The following HACD2 variants were observed in gnomAD, a reference collection of about 807,000 sequenced individuals.
HACD2 encodes very-long-chain (3R)-3-hydroxyacyl-CoA dehydratase 2.
Under a neutral mutation model 31.0 loss-of-function variants are expected in HACD2, and 15 were observed. That is an observed-to-expected ratio of 0.48 (90% CI 0.32 to 0.75). The LOEUF is 0.75. Among genes scored for constraint, HACD2 ranks in the 30% least tolerant of loss-of-function variants. The probability of loss-of-function intolerance (pLI) is 0.03; values close to 1 mark genes in which losing one functional copy is unlikely to be tolerated. For synonymous variants in HACD2, 115 were observed against 122.2 expected (o/e 0.94, Z 0.39); for missense variants, 283 against 313.0 (o/e 0.90, Z 0.72).
chr3:123,553,247 C>A (rs1462932020), intron 3 of HACD2, among the ~76,000 whole-genome samples: 1 of 152,054 alleles, frequency 6.6e-6, no homozygotes, highest in South Asian at 2.1e-4. Flanking sequence ...ATAAAAAGAC[C>A]ACATATCTCA....
At chr3:123,573,723 G>A (rs1007306488) in intron 2 of HACD2, among the ~76,000 whole-genome samples, 12 of 152,160 alleles carry the variant, frequency 7.9e-5, no homozygotes, top group African/African-American at 2.9e-4. Flanking sequence ...GCAAAAGGGT[G>A]TTGGTTATTC....
chr3:123,581,483 C>T (rs542793647), intron 2 of HACD2, among the ~76,000 whole-genome samples: 127 of 152,184 alleles, frequency 8.3e-4, no homozygotes, highest in African/African-American at 2.9e-3. Context: ...AAATAAACAC[C>T]CTCCCTGTTT....
At chr3:123,549,125 A>G (rs930110671) in intron 3 of HACD2, among the ~76,000 whole-genome samples, 1 of 151,838 alleles carries the variant, frequency 6.6e-6, no homozygotes, top group African/African-American at 2.4e-5. Context: ...TTACTTTATT[A>G]AACAAGGAGT....
intron 4 of HACD2, among the ~76,000 whole-genome samples, chr3:123,525,034 T>C (rs950732005): frequency 2.0e-5 from 3 of 152,242 alleles, no homozygotes; most frequent in Non-Finnish European, 4.4e-5. Flanking sequence ...AAACCAATGC[T>C]ATTGTAAAAA....
chr3:123,557,902 T>C (rs1434174975), intron 3 of HACD2, among the ~76,000 whole-genome samples: 1 of 152,236 alleles, frequency 6.6e-6, no homozygotes, highest in African/African-American at 2.4e-5. Flanking sequence ...ACCCTTAGCA[T>C]ATAATCTAGC....
intron 5 of HACD2, 36 bp from the exon 6 acceptor site, chr3:123,500,729 A>T: frequency 6.8e-7 from 1 of 1,480,994 alleles, no homozygotes; most frequent in South Asian, 1.3e-5. Flanking sequence ...CTGAGGCTCA[A>T]AGTCAGCTTT....
rs11391480 is a variant in HACD2 at position 123,542,146 on chromosome 3, C to CAAAAAAAA, written c.293-13680_293-13673dup. Among the ~76,000 whole-genome samples, 11 of 41,096 alleles carry CAAAAAAAA rather than the reference C, an allele frequency of 2.7e-4. 1 individual carries two copies. Among genetic ancestry groups the CAAAAAAAA allele is most frequent in the African/African-American group, 1.2e-3 (7 of 5,820 alleles). The allele number at this position is 41,096 out of a possible 152,430, so 27.0% of individuals were successfully genotyped here. The stretch of plus-strand genomic sequence containing the variant: ...TGGGCGACAGAGCGAGACTCCGTCT[C>CAAAAAAAA]AAAAAAAAAAAAAAAAAAAAAAAAA... On this transcript the variant is annotated intron_variant, in intron 3 of 6. Coordinates refer to ENST00000383657, the MANE Select transcript of HACD2 (RefSeq NM_198402.5).
chr3:123,517,828 G>T (rs2056157546), intron 4 of HACD2, among the ~76,000 whole-genome samples: 1 of 152,204 alleles, frequency 6.6e-6, no homozygotes, highest in African/African-American at 2.4e-5. Flanking sequence ...CCATCTCTTG[G>T]ACCAGAAATA....
intron 2 of HACD2, among the ~76,000 whole-genome samples, chr3:123,568,423 C>T (rs1421472719): frequency 6.6e-6 from 1 of 152,206 alleles, no homozygotes; most frequent in East Asian, 1.9e-4. Flanking sequence ...CCATTCCGCC[C>T]GTTATCCCTC....
In HACD2 at chr3:123,584,988, C is replaced by T. The variant is rs1017328901; in HGVS notation, c.40G>A (p.Gly14Arg). ...GCCCCGGCCCTGCCACCGCCGCCCCCATTCCCCTTCGCTGCTGCAGTCGCC... is the reference window on the plus strand; with the variant it reads ...GCCCCGGCCCTGCCACCGCCGCCCCTATTCCCCTTCGCTGCTGCAGTCGCC... Reference protein sequence around the residue: ...VAATAAAKGNGGGGGRAGAGD... With the variant: ...VAATAAAKGNRGGGGRAGAGD... Residue 14 changes from glycine to arginine, a missense_variant, in exon 1 of 7, where the codon GGG becomes AGG. Physicochemically the swap from Gly to Arg is moderately radical, Grantham distance 125. Around this residue, in one of 3 missense-constraint regions of HACD2, gnomAD observed 158 missense variants for 148.3 expected, o/e 1.07. Coordinates refer to ENST00000383657, the MANE Select transcript of HACD2 (RefSeq NM_198402.5). 3.9e-6 allele frequency: 6 copies of T among 1,524,952 alleles called. No homozygotes were observed. The highest frequency in any genetic ancestry group is 2.7e-5 in the East Asian group (1 of 36,958). The allele number at this position is 1,524,952 out of a possible 1,614,324, so 94.5% of individuals were successfully genotyped here.
At chr3:123,534,318 C>CGGATAA (rs2056400018) in intron 3 of HACD2, among the ~76,000 whole-genome samples, 2 of 152,002 alleles carry the variant, frequency 1.3e-5, no homozygotes, top group Non-Finnish European at 2.9e-5. Flanking sequence ...TGATGATGGT[C>CGGATAA]CCATAAGACT....
At chr3:123,503,035 G>A in intron 4 of HACD2, 1 of 193,108 alleles carries the variant, frequency 5.2e-6, no homozygotes, top group Non-Finnish European at 1.1e-5. Context: ...AGGCTGAGGT[G>A]GGTGGATCAC....
At chr3:123,524,881 G>A (rs2056259533) in intron 4 of HACD2, among the ~76,000 whole-genome samples, 1 of 152,112 alleles carries the variant, frequency 6.6e-6, no homozygotes. Context: ...CATTTATTGG[G>A]TGTGCAATAG....
intron 2 of HACD2, among the ~76,000 whole-genome samples, chr3:123,577,868 T>C (rs1040030494): frequency 6.6e-6 from 1 of 152,216 alleles, no homozygotes; most frequent in Non-Finnish European, 1.5e-5. Flanking sequence ...GGAACTCGTT[T>C]TTTAAAAACT....
chr3:123,561,732 C>T (rs1281185465), intron 3 of HACD2, among the ~76,000 whole-genome samples: 2 of 151,806 alleles, frequency 1.3e-5, no homozygotes, highest in Non-Finnish European at 2.9e-5. Flanking sequence ...CAACACAAAT[C>T]ACACCACATG....
chr3:123,577,954 T>C (rs1299513394), intron 2 of HACD2, among the ~76,000 whole-genome samples: 1 of 152,098 alleles, frequency 6.6e-6, no homozygotes, highest in Non-Finnish European at 1.5e-5. Flanking sequence ...GTTCACAGAG[T>C]TGTGCACCCA....
chr3:123,551,341 G>A (rs562619043), intron 3 of HACD2, among the ~76,000 whole-genome samples: 30 of 152,156 alleles, frequency 2.0e-4, no homozygotes, highest in African/African-American at 5.5e-4. Flanking sequence ...AATATAGGCC[G>A]GGCACGGTGG....
At chr3:123,570,917 T>C (rs1324041149) in intron 2 of HACD2, among the ~76,000 whole-genome samples, 2 of 144,762 alleles carry the variant, frequency 1.4e-5, no homozygotes, top group African/African-American at 5.1e-5. Flanking sequence ...TTCATACCAT[T>C]ACACACACAC....
chr3:123,535,778 A>G (rs904072887), intron 3 of HACD2, among the ~76,000 whole-genome samples: 1 of 152,240 alleles, frequency 6.6e-6, no homozygotes, highest in South Asian at 2.1e-4. Flanking sequence ...AACCAGGGAC[A>G]CTTCCTTCAG....
Sources: allele counts gnomAD v4.1 joint callset (sites outside exome capture counted in the v4.1 genomes callset), GRCh38; gene constraint gnomAD v4.1.1; regional missense constraint gnomAD v4.1.1; transcripts MANE v1.5; gene names NCBI Gene and HGNC (gene_info 2026-07-23, HGNC 2026-07-21).